SLC24A4: variants seen among roughly 807,000 people sequenced by gnomAD.
SLC24A4 encodes the protein sodium/potassium/calcium exchanger 4.
A neutral mutation model predicts 79.0 loss-of-function variants in SLC24A4; 53 were observed. The observed-to-expected ratio is 0.67, with a 90% CI of 0.54 to 0.84. The LOEUF is 0.84. Ranked by LOEUF, SLC24A4 falls within the 40% of genes least tolerant of loss-of-function variation. SLC24A4 has a pLI of 0.00. For synonymous variants in SLC24A4, 323 were observed against 323.8 expected (o/e 1.00, Z 0.03); for missense variants, 731 against 822.0 (o/e 0.89, Z 1.35).
At chr14:92,397,498 C>T (rs190163822) in intron 2 of SLC24A4, among the ~76,000 whole-genome samples, 1 of 152,198 alleles carries the variant, frequency 6.6e-6, no homozygotes, top group Non-Finnish European at 1.5e-5. Context: ...GAGGAAGGAG[C>T]TTTTTGCATG....
intron 2 of SLC24A4, among the ~76,000 whole-genome samples, chr14:92,341,787 T>C (rs115194380): frequency 0.016 from 2,386 of 152,308 alleles, 65 homozygotes; most frequent in African/African-American, 0.054. Flanking sequence ...TTAGAGATGA[T>C]TCCGTGCTGG....
chr14:92,470,475 A>T (rs893745808), intron 12 of SLC24A4, among the ~76,000 whole-genome samples: 2 of 151,946 alleles, frequency 1.3e-5, no homozygotes, highest in Non-Finnish European at 2.9e-5. Context: ...TCTGTTCTTA[A>T]TTTTTTTCTC....
chr14:92,437,477 A>C (rs1442455680), intron 3 of SLC24A4, among the ~76,000 whole-genome samples: 1 of 152,238 alleles, frequency 6.6e-6, no homozygotes, highest in Non-Finnish European at 1.5e-5. Context: ...GAGAGGCTCC[A>C]GATAGAAAAC....
At chr14:92,396,204 G>A (rs1595215168) in intron 2 of SLC24A4, among the ~76,000 whole-genome samples, 1 of 152,220 alleles carries the variant, frequency 6.6e-6, no homozygotes, top group African/African-American at 2.4e-5. Context: ...TGCCAGTCTA[G>A]TTTGGTGTGG....
At position 92,398,564 on chromosome 14, in the gene SLC24A4, G is replaced by A. The variant is rs1201344913; in HGVS notation, c.242-35348G>A. Among the ~76,000 whole-genome samples the A allele has an allele frequency of 2.6e-5, 4 of 152,200 alleles. No homozygotes were observed. The highest frequency in any genetic ancestry group is 7.2e-5 in the African/African-American group (3 of 41,446). The stretch of plus-strand genomic sequence containing the variant: ...TTTTCTGTGCCCTAAGAAAAAGCCT[G>A]TTAGCCTCAGCCCCTTGCTCCCAGG... On this transcript the variant is annotated intron_variant, in intron 2 of 16. Transcript: ENST00000532405. This position sits in a 1 kb window ranked among gnomAD's most constrained non-coding sequence, Gnocchi z 4.1.
chr14:92,463,651 A>G (rs1893939500), intron 12 of SLC24A4, among the ~76,000 whole-genome samples: 1 of 152,210 alleles, frequency 6.6e-6, no homozygotes, highest in Non-Finnish European at 1.5e-5. Flanking sequence ...ATTTTTTCAT[A>G]TAACAGGTCT....
chr14:92,474,829 A>ATGTGTGTGTGTGTGTG (rs1327061695), intron 12 of SLC24A4, among the ~76,000 whole-genome samples: 4 of 87,524 alleles, frequency 4.6e-5, no homozygotes, highest in South Asian at 3.8e-4. Context: ...ATACATATAT[A>ATGTGTGTGTGTGTGTG]TGTGTGTGTG....
At chr14:92,445,916 G>A (rs1221368482) in intron 8 of SLC24A4, among the ~76,000 whole-genome samples, 3 of 152,186 alleles carry the variant, frequency 2.0e-5, no homozygotes, top group African/African-American at 7.2e-5. Flanking sequence ...AAGATACATA[G>A]CCAGGCATGG....
intron 2 of SLC24A4, among the ~76,000 whole-genome samples, chr14:92,372,922 T>C (rs1331546288): frequency 1.2e-4 from 15 of 125,408 alleles, no homozygotes; most frequent in Admixed American, 4.0e-4. Flanking sequence ...CCTTCCTTTC[T>C]TTCTCTTTCT....
chr14:92,334,659 A>G (rs1475225445), intron 2 of SLC24A4, among the ~76,000 whole-genome samples: 2 of 152,150 alleles, frequency 1.3e-5, no homozygotes, highest in East Asian at 3.8e-4. Flanking sequence ...GTAGTTGGAC[A>G]TGGTGAAGGC....
chr14:92,367,259 C>A (rs1479375513), intron 2 of SLC24A4, among the ~76,000 whole-genome samples: 3 of 152,188 alleles, frequency 2.0e-5, no homozygotes, highest in Admixed American at 6.5e-5. Flanking sequence ...GGGGCTTATG[C>A]ATCCAGTAGT....
intron 2 of SLC24A4, among the ~76,000 whole-genome samples, chr14:92,369,456 A>G (rs992848363): frequency 3.9e-5 from 6 of 152,242 alleles, no homozygotes; most frequent in Non-Finnish European, 5.9e-5. Context: ...TGAGAAGAAG[A>G]AAAAGGTTGG....
Position 92,398,502 on chromosome 14 carries a change from G to A in SLC24A4, c.242-35410G>A, listed in dbSNP as rs929481683. On this transcript the variant is annotated intron_variant, in intron 2 of 16. Transcript: ENST00000532405. This position sits in a 1 kb window ranked among gnomAD's most constrained non-coding sequence, Gnocchi z 4.1. Reference sequence around the variant, plus strand: ...AGTACAGAACAGGGCAGCCTCCAACGTCTGATGTTATTGACATCTCCTTCT... The same window carrying A: ...AGTACAGAACAGGGCAGCCTCCAACATCTGATGTTATTGACATCTCCTTCT... 2.6e-5 allele frequency among the ~76,000 whole-genome samples: 4 copies of A among 152,182 alleles called. No homozygotes were observed. The highest frequency in any genetic ancestry group is 4.4e-5 in the Non-Finnish European group (3 of 68,046).
At chr14:92,419,059 A>G (rs951869822) in intron 2 of SLC24A4, among the ~76,000 whole-genome samples, 5 of 152,178 alleles carry the variant, frequency 3.3e-5, no homozygotes, top group South Asian at 4.1e-4. Context: ...TCACACCCAC[A>G]TTATTGAGGG....
chr14:92,465,979 GT>G (rs1270543262), intron 12 of SLC24A4, among the ~76,000 whole-genome samples: 1 of 152,168 alleles, frequency 6.6e-6, no homozygotes, highest in Non-Finnish European at 1.5e-5. Flanking sequence ...TCAACAGCAG[GT>G]CTTGACCTCT....
At chr14:92,374,708 C>T (rs1429589266) in intron 2 of SLC24A4, among the ~76,000 whole-genome samples, 1 of 152,110 alleles carries the variant, frequency 6.6e-6, no homozygotes, top group Non-Finnish European at 1.5e-5. Context: ...ATATTTGTGC[C>T]CTTAGTATAC....
At chr14:92,382,646 C>T (rs906381260) in intron 2 of SLC24A4, among the ~76,000 whole-genome samples, 3 of 152,152 alleles carry the variant, frequency 2.0e-5, no homozygotes, top group African/African-American at 7.2e-5. Context: ...TGGTGGTCAT[C>T]AGAGCAGGAA....
chr14:92,481,070 C>A (rs1895042091), intron 12 of SLC24A4, among the ~76,000 whole-genome samples: 1 of 152,200 alleles, frequency 6.6e-6, no homozygotes, highest in Non-Finnish European at 1.5e-5. Context: ...TGTTTTGGGG[C>A]ATGCCTCCAA....
chr14:92,384,377 A>G (rs908715939), intron 2 of SLC24A4, among the ~76,000 whole-genome samples: 16 of 151,326 alleles, frequency 1.1e-4, no homozygotes, highest in Non-Finnish European at 1.9e-4. Flanking sequence ...TAATGCCCTG[A>G]TGTTTTTTTC....
Sources: allele counts gnomAD v4.1 joint callset (sites outside exome capture counted in the v4.1 genomes callset), GRCh38; gene constraint gnomAD v4.1.1; non-coding constraint Gnocchi (gnomAD v3.1); transcripts MANE v1.5; gene names NCBI Gene and HGNC (gene_info 2026-07-23, HGNC 2026-07-21).